ICE1: variants seen among roughly 807,000 people sequenced by gnomAD.
The protein encoded by ICE1 is little elongation complex subunit 1.
ICE1 carries 64 observed loss-of-function variants against 192.7 expected under a neutral mutation model. That is an observed-to-expected ratio of 0.33 (90% CI 0.27 to 0.41). The LOEUF (loss-of-function observed/expected upper bound fraction) is 0.41. Ranked by LOEUF, ICE1 falls within the 10% of genes least tolerant of loss-of-function variation. ICE1 has a pLI of 1.00. For missense variants in ICE1, 2,708 were observed against 2,696.0 expected, an observed-to-expected ratio of 1.00 and a Z score of -0.10; for synonymous variants, 1,010 against 984.5, an observed-to-expected ratio of 1.03 and a Z score of -0.49.
At chr5:5,473,418 C>G (rs1033126070) in intron 15 of ICE1, 140 bp from the exon 16 acceptor site, 3 of 711,934 alleles carry the variant, frequency 4.2e-6, no homozygotes, top group African/African-American at 3.6e-5. Flanking sequence ...AAACATGGTT[C>G]CTTAGTCAAA....
chr5:5,445,613 C>T (rs1738194673), intron 7 of ICE1, among the ~76,000 whole-genome samples: 1 of 151,878 alleles, frequency 6.6e-6, no homozygotes, highest in Admixed American at 6.6e-5. Context: ...TGGCTTTCAC[C>T]ATGTTGGCCA....
chr5:5,483,321 G>A (rs1283512812), intron 17 of ICE1, among the ~76,000 whole-genome samples: 1 of 152,138 alleles, frequency 6.6e-6, no homozygotes. Flanking sequence ...TTCAAAATTT[G>A]CACATCCTAT....
chr5:5,435,171 ATATATG>A (rs1737832264), intron 1 of ICE1, among the ~76,000 whole-genome samples: 2 of 152,232 alleles, frequency 1.3e-5, no homozygotes, highest in Admixed American at 6.5e-5. Flanking sequence ...AATATATTTT[ATATATG>A]TGGTGGCAGT....
In ICE1 at chr5:5,461,292, G is replaced by A. The variant is rs368952264; in HGVS notation, c.1958G>A (p.Cys653Tyr). The A allele has an allele frequency of 6.2e-7, 1 of 1,613,892 alleles. No individual in the cohort carries two copies. Among genetic ancestry groups the A allele is most frequent in the African/African-American group, 1.3e-5 (1 of 75,046 alleles). ...SNPQSSSGLD[C>Y]GNDTDITTKV... Reference sequence around the variant, plus strand: ...CCCCAGTCTTCTTCTGGGTTAGACTGTGGTAATGATACAGATATTACTACT... The same window carrying A: ...CCCCAGTCTTCTTCTGGGTTAGACTATGGTAATGATACAGATATTACTACT... The change falls in exon 13 of 19, where the codon TGT becomes TAT. Residue 653 changes from cysteine (C) to tyrosine (Y), a missense_variant. Transcript: ENST00000296564.
Position 5,489,284 on chromosome 5 carries a change from G to T in ICE1, c.6755G>T (p.Ser2252Ile). Reference protein sequence around the residue: ...ASKSVPSAIVSCLEEVSALST... With the variant: ...ASKSVPSAIVICLEEVSALST... ...AAAAGCGTTCCGTCTGCGATTGTCAGCTGCCTAGAGGAAGTCAGTGCCCTG... is the reference window on the plus strand; with the variant it reads ...AAAAGCGTTCCGTCTGCGATTGTCATCTGCCTAGAGGAAGTCAGTGCCCTG... The change falls in exon 19 of 19, where the codon AGC becomes ATC. Residue 2252 changes from serine to isoleucine, a missense_variant. This residue lies in a region of ICE1 where 342 missense variants were observed against 419.3 expected (regional missense o/e 0.82). Transcript: ENST00000296564. 6.2e-7 allele frequency: 1 copy of T among 1,613,602 alleles called. No homozygotes were observed. The highest frequency in any genetic ancestry group is 8.5e-7 in the Non-Finnish European group (1 of 1,179,764).
At position 5,461,125 on chromosome 5, in the gene ICE1, A is replaced by G. The variant is rs752831441; in HGVS notation, c.1791A>G (p.Glu597=). 23 of 1,613,938 alleles carry G rather than the reference A, an allele frequency of 1.4e-5. No homozygotes were observed. In the East Asian group the frequency reaches 3.8e-4, roughly 27 times the overall value. The change falls in exon 13 of 19, where the codon GAA becomes GAG. Residue 597 remains glutamate (E), a synonymous_variant. Coordinates refer to ENST00000296564, the MANE Select transcript of ICE1 (RefSeq NM_015325.3). ...RLSRELEKEK[E]DTQGFTLGES... ...CTAGAGAATTGGAAAAGGAAAAAGA[A>G]GATACTCAAGGGTTCACTTTAGGAG...
chr5:5,453,689 C>T (rs915935687), intron 10 of ICE1, among the ~76,000 whole-genome samples: 12 of 152,098 alleles, frequency 7.9e-5, no homozygotes, highest in African/African-American at 2.7e-4. Flanking sequence ...TCACCACAAG[C>T]TATTCATAGT....
intron 10 of ICE1, among the ~76,000 whole-genome samples, chr5:5,449,980 A>G (rs1407411340): frequency 6.6e-6 from 1 of 152,200 alleles, no homozygotes; most frequent in East Asian, 1.9e-4. Flanking sequence ...AGATTTATGA[A>G]ATGAGAATCT....
At position 5,462,465 on chromosome 5, in the gene ICE1, A is replaced by G. The variant is rs759968439; in HGVS notation, c.3131A>G (p.Asn1044Ser). The G allele has an allele frequency of 1.1e-5, 18 of 1,613,972 alleles. No individual in the cohort carries two copies. Among genetic ancestry groups the G allele is most frequent in the Non-Finnish European group, 1.5e-5 (18 of 1,179,892 alleles). The change falls in exon 13 of 19, where the codon AAT (asparagine) becomes AGT (serine). Residue 1044 changes from asparagine (N) to serine (S), a missense_variant. Coordinates refer to ENST00000296564, the MANE Select transcript of ICE1 (RefSeq NM_015325.3). ...AATGATTCTACCAGCACACCACAAA[A>G]TGCTAATGGACTTTGGAAATTGAAA... ...VANDSTSTPQ[N>S]ANGLWKLKST... is the part of the protein sequence containing the mutation.
chr5:5,487,192 G>A (rs1330311842), intron 18 of ICE1, among the ~76,000 whole-genome samples: 2 of 152,172 alleles, frequency 1.3e-5, no homozygotes, highest in South Asian at 2.1e-4. Context: ...AATGAAATCC[G>A]TGATGTACAG....
intron 1 of ICE1, among the ~76,000 whole-genome samples, chr5:5,426,916 A>T (rs936300848): frequency 2.0e-5 from 3 of 152,204 alleles, no homozygotes; most frequent in Non-Finnish European, 4.4e-5. Flanking sequence ...TAACTTTTTG[A>T]TCATGCAGAG....
intron 17 of ICE1, among the ~76,000 whole-genome samples, chr5:5,478,751 T>C (rs759345405): frequency 2.0e-5 from 3 of 152,186 alleles, no homozygotes; most frequent in Non-Finnish European, 4.4e-5. Context: ...AACAGACATA[T>C]AGACCAATGG....
Position 5,469,594 on chromosome 5 carries a change from T to A in ICE1, c.6222+606T>A, listed in dbSNP as rs555465990. On this transcript the variant is annotated intron_variant, in intron 15 of 18. Coordinates refer to ENST00000296564, the MANE Select transcript of ICE1 (RefSeq NM_015325.3). The stretch of plus-strand genomic sequence containing the variant: ...ACTGAAGCCAGTGATATTGATTTTT[T>A]AATTTTATTTTCTGTTTTTAATGAG... 1.3e-3 allele frequency among the ~76,000 whole-genome samples: 202 copies of A among 152,306 alleles called. 2 individuals carry two copies. The highest frequency in any genetic ancestry group is 4.7e-3 in the African/African-American group (194 of 41,580).
chr5:5,487,466 A>G (rs1739665932), intron 18 of ICE1, among the ~76,000 whole-genome samples: 1 of 152,200 alleles, frequency 6.6e-6, no homozygotes, highest in Non-Finnish European at 1.5e-5. Flanking sequence ...TACATTTTAA[A>G]TACTGTATAA....
At position 5,462,399 on chromosome 5, in the gene ICE1, G is replaced by A; in HGVS notation, c.3065G>A (p.Gly1022Glu). The change falls in exon 13 of 19, where the codon GGA becomes GAA. Residue 1022 changes from glycine (G) to glutamate (E), a missense_variant. Physicochemically the swap from Gly to Glu is moderately conservative, Grantham distance 98 (BLOSUM62 -2). Transcript: ENST00000296564. The part of the protein sequence containing the change: ...GGFSVEETSC[G>E]DTGRSGGEAL... ...TTTTCTGTTGAAGAAACCAGCTGTG[G>A]AGACACAGGGAGATCTGGTGGTGAG... The A allele has an allele frequency of 6.2e-7, 1 of 1,614,046 alleles. No homozygotes were observed. Among genetic ancestry groups the A allele is most frequent in the Non-Finnish European group, 8.5e-7 (1 of 1,179,908 alleles).
intron 1 of ICE1, among the ~76,000 whole-genome samples, chr5:5,425,308 TGC>T (rs1191251265): frequency 2.2e-4 from 34 of 152,340 alleles, no homozygotes; most frequent in African/African-American, 7.9e-4. Flanking sequence ...TCCAGAGGTC[TGC>T]AAACTTTTTC....
At chr5:5,437,058 A>G in intron 2 of ICE1, 22 bp from the exon 3 acceptor site, 1 of 1,404,364 alleles carries the variant, frequency 7.1e-7, no homozygotes, top group Non-Finnish European at 9.9e-7. Context: ...AAGTAACCTA[A>G]TTTTTCTTTT....
Position 5,465,562 on chromosome 5 carries a change from T to C in ICE1, c.5892+336T>C, listed in dbSNP as rs1489530157. Among the ~76,000 whole-genome samples the C allele has an allele frequency of 2.6e-5, 4 of 152,346 alleles. No homozygotes were observed. The East Asian group carries it at 7.7e-4, about 29-fold the overall frequency. ...AAGCTTCAAATTATCACATAATTTT[T>C]CTTTTCCTTGAGTTTTTGTTACAAA... On this transcript the variant is annotated intron_variant, in intron 13 of 18. Transcript: ENST00000296564.
At chr5:5,439,861 TA>T in intron 3 of ICE1, 33 bp from the exon 4 acceptor site, 2 of 1,479,846 alleles carry the variant, frequency 1.4e-6, no homozygotes, top group Non-Finnish European at 1.8e-6. Flanking sequence ...TATCAGAAGA[TA>T]AAATTCTCAG....
Sources: gnomAD v4.1 joint callset for allele counts (sites outside exome capture counted in the v4.1 genomes callset) on GRCh38, gnomAD v4.1.1 for gene constraint, gnomAD v4.1.1 regional missense constraint, MANE v1.5 for transcripts, NCBI Gene and HGNC (gene_info 2026-07-23, HGNC 2026-07-21) for gene names.